Variants in UBE4A observed in about 807,000 individuals in gnomAD.
UBE4A encodes ubiquitin conjugation factor E4 A.
In UBE4A, 48 loss-of-function variants were observed where a neutral mutation model predicts 117.9. The observed-to-expected ratio is 0.41, with a 90% CI of 0.32 to 0.52. The LOEUF (loss-of-function observed/expected upper bound fraction) is 0.52. Among genes scored for constraint, UBE4A ranks in the 20% least tolerant of loss-of-function variants. UBE4A has a pLI of 0.33. For synonymous variants in UBE4A, 407 were observed against 450.0 expected (o/e 0.90, Z 1.21); for missense variants, 1,067 against 1,296.3 (o/e 0.82, Z 2.72).
chr11:118,374,077 A>G (rs1412684901), intron 8 of UBE4A, among the ~76,000 whole-genome samples: 1 of 151,942 alleles, frequency 6.6e-6, no homozygotes, highest in Non-Finnish European at 1.5e-5. Flanking sequence ...TTGCATCATC[A>G]CGCTCCGGCC....
At chr11:118,381,351 C>T (rs1479133497) in intron 11 of UBE4A, 40 bp from the exon 12 acceptor site, 11 of 1,611,102 alleles carry the variant, frequency 6.8e-6, no homozygotes, top group Non-Finnish European at 9.3e-6. Context: ...TACAGATATA[C>T]AGATGTTTGG....
chr11:118,396,502 TTC>T lies in UBE4A; in HGVS notation c.*68_*69del, dbSNP rs1948874842. The T allele has an allele frequency of 3.2e-6, 5 of 1,552,378 alleles. No individual in the cohort carries two copies. The highest frequency in any genetic ancestry group is 2.6e-6 in the Non-Finnish European group (3 of 1,154,772). ...GTGCAGATAAACAATTGTTTGTGGT[TTC>T]TCTCTTTCTGGTTCTGTTCCTTTTC... On this transcript the variant is annotated 3_prime_UTR_variant, in exon 20 of 20. Coordinates refer to ENST00000252108, the MANE Select transcript of UBE4A (RefSeq NM_001204077.2).
At chr11:118,380,990 G>A (rs1399584572) in intron 11 of UBE4A, among the ~76,000 whole-genome samples, 8 of 152,188 alleles carry the variant, frequency 5.3e-5, no homozygotes, top group Non-Finnish European at 1.2e-4. Context: ...GGAGGGGACT[G>A]CATAAGGTCA....
rs1228080996 is a variant in UBE4A at position 118,368,666 on chromosome 11, A to G, written c.157A>G (p.Ser53Gly). 1 of 1,614,252 alleles carries G rather than the reference A, an allele frequency of 6.2e-7. No individual in the cohort carries two copies. Among genetic ancestry groups the G allele is most frequent in the South Asian group, 1.1e-5 (1 of 91,084 alleles). ...LPASPDDSDNSVSESLDEFDY... is the reference protein window; with the variant it reads ...LPASPDDSDNGVSESLDEFDY... ...AGCTAGCCCAGATGACTCGGATAATAGCGTGTCAGAGAGCCTGGATGAATT... is the reference window on the plus strand; with the variant it reads ...AGCTAGCCCAGATGACTCGGATAATGGCGTGTCAGAGAGCCTGGATGAATT... Residue 53 changes from serine to glycine, a missense_variant, in exon 3 of 20, where the codon AGC (serine) becomes GGC (glycine). By Grantham distance (56) the Ser-to-Gly change is moderately conservative (BLOSUM62 0). Transcript: ENST00000252108.
intron 13 of UBE4A, among the ~76,000 whole-genome samples, chr11:118,383,974 A>G (rs1168883341): frequency 3.3e-5 from 5 of 152,210 alleles, no homozygotes; most frequent in Non-Finnish European, 7.3e-5. Flanking sequence ...CCATACAACC[A>G]AAGTGTTGTA....
At chr11:118,372,733 G>A in intron 6 of UBE4A, 67 bp downstream of exon 6, 1 of 1,598,984 alleles carries the variant, frequency 6.3e-7, no homozygotes, top group Non-Finnish European at 8.5e-7. Context: ...TTCACTAATT[G>A]CATTAGAAAG....
chr11:118,379,224 A>G (rs1396310962), intron 10 of UBE4A, among the ~76,000 whole-genome samples: 1 of 152,150 alleles, frequency 6.6e-6, no homozygotes, highest in African/African-American at 2.4e-5. Flanking sequence ...GAAGGCTGCT[A>G]TTTGCAATTA....
chr11:118,368,679 G>T lies in UBE4A; in HGVS notation c.170G>T (p.Ser57Ile), dbSNP rs1170517400. 1 of 1,614,074 alleles carries T rather than the reference G, an allele frequency of 6.2e-7. No individual in the cohort carries two copies. Among genetic ancestry groups the T allele is most frequent in the East Asian group, 2.2e-5 (1 of 44,892 alleles). Residue 57 changes from serine (S) to isoleucine (I), a missense_variant, in exon 3 of 20, where the codon AGC (serine) becomes ATC (isoleucine). By Grantham distance (142) the Ser-to-Ile change is moderately radical (BLOSUM62 -2). Coordinates refer to ENST00000252108, the MANE Select transcript of UBE4A (RefSeq NM_001204077.2). ...GACTCGGATAATAGCGTGTCAGAGA[G>T]CCTGGATGAATTCGATTACTCTGTG... ...PDDSDNSVSE[S>I]LDEFDYSVAE...
chr11:118,392,888 T>C lies in UBE4A; in HGVS notation c.3067T>C (p.Leu1023=), dbSNP rs1948832520. The change falls in exon 19 of 20, where the codon TTG becomes CTG. Residue 1023 remains leucine (L), a synonymous_variant. Transcript: ENST00000252108. Reference sequence around the variant, plus strand: ...GGATAGATCCACCATTGCAAGACATTTGCTCAGGTAGGCCAGTCCCAAAAA... The same window carrying C: ...GGATAGATCCACCATTGCAAGACATCTGCTCAGGTAGGCCAGTCCCAAAAA... ...TVDRSTIARH[L]LSDQTDPFNR... 6.2e-7 allele frequency: 1 copy of C among 1,613,726 alleles called. No homozygotes were observed. Among genetic ancestry groups the C allele is most frequent in the Non-Finnish European group, 8.5e-7 (1 of 1,179,934 alleles).
At chr11:118,366,062 A>T (rs1040970159) in intron 2 of UBE4A, among the ~76,000 whole-genome samples, 12 of 78,614 alleles carry the variant, frequency 1.5e-4, no homozygotes, top group Non-Finnish European at 2.9e-4. Context: ...TTGTTTATTT[A>T]AAAAAAAAAA....
chr11:118,369,314 G>C, intron 3 of UBE4A, 109 bp from the exon 4 acceptor site: 1 of 722,980 alleles, frequency 1.4e-6, no homozygotes, highest in Non-Finnish European at 2.4e-6. Context: ...GGATCATTCT[G>C]GTATTACTTG....
intron 9 of UBE4A, 148 bp downstream of exon 9, chr11:118,375,377 TG>T (rs1193346413): frequency 4.9e-5 from 39 of 801,760 alleles, no homozygotes; most frequent in Non-Finnish European, 5.7e-5. Flanking sequence ...TCTTTTTTTT[TG>T]AGATGGAGTC....
intron 15 of UBE4A, among the ~76,000 whole-genome samples, chr11:118,386,205 T>C (rs1377909851): frequency 6.6e-6 from 1 of 152,190 alleles, no homozygotes; most frequent in African/African-American, 2.4e-5. Flanking sequence ...TCTAGGGGAA[T>C]TACCTGTGAA....
At chr11:118,369,800 T>C (rs971761571) in intron 4 of UBE4A, among the ~76,000 whole-genome samples, 2 of 152,086 alleles carry the variant, frequency 1.3e-5, no homozygotes, top group African/African-American at 4.8e-5. Flanking sequence ...GCCTTCTTAA[T>C]TACAAAGCCT....
At position 118,366,967 on chromosome 11, in the gene UBE4A, G is replaced by C. The variant is rs111526406; in HGVS notation, c.122-1664G>C. Among the ~76,000 whole-genome samples, 309 of 152,282 alleles carry C rather than the reference G, an allele frequency of 2.0e-3. 1 individual carries two copies. The highest frequency in any genetic ancestry group is 7.2e-3 in the African/African-American group (299 of 41,556). ...GCCTATAATCCCAGCACTCTGGGAG[G>C]CCAAGGTGGGCGGATCACCTGAGGT... On this transcript the variant is annotated intron_variant, in intron 2 of 19. Transcript: ENST00000252108.
chr11:118,378,582 C>T (rs1948673856), intron 10 of UBE4A: 1 of 152,156 alleles, frequency 6.6e-6, no homozygotes, highest in South Asian at 2.1e-4. Flanking sequence ...TCTCAAGATA[C>T]CTGAATTGAT....
At chr11:118,392,265 A>C (rs1948826247) in intron 18 of UBE4A, among the ~76,000 whole-genome samples, 1 of 152,342 alleles carries the variant, frequency 6.6e-6, no homozygotes. Flanking sequence ...CAAGTTGTGA[A>C]GGAATTAAAT....
At chr11:118,370,388 G>A (rs1488358089) in intron 4 of UBE4A, among the ~76,000 whole-genome samples, 2 of 152,212 alleles carry the variant, frequency 1.3e-5, no homozygotes, top group Non-Finnish European at 2.9e-5. Context: ...CACTTTGGGA[G>A]GCCAAGTTGG....
At chr11:118,389,449 G>C (rs1555127830) in intron 16 of UBE4A, among the ~76,000 whole-genome samples, 1 of 152,160 alleles carries the variant, frequency 6.6e-6, no homozygotes, top group African/African-American at 2.4e-5. Flanking sequence ...GGACAGAAAA[G>C]CTAGAAGGAC....
Sources: gnomAD v4.1 joint callset for allele counts (sites outside exome capture counted in the v4.1 genomes callset) on GRCh38, gnomAD v4.1.1 for gene constraint, MANE v1.5 for transcripts, NCBI Gene and HGNC (gene_info 2026-07-23, HGNC 2026-07-21) for gene names.